ESRRG: variants seen among roughly 807,000 people sequenced by gnomAD.
The protein encoded by ESRRG is estrogen related receptor gamma.
ESRRG carries 13 observed loss-of-function variants against 44.0 expected under a neutral mutation model. The ratio of observed to expected loss-of-function variants is 0.30; its 90% CI spans 0.19 to 0.47. The LOEUF is 0.47. Ranked by LOEUF, ESRRG falls within the 20% of genes least tolerant of loss-of-function variation. The pLI, the probability that ESRRG is intolerant of heterozygous loss-of-function variation, is 1.00. For missense variants in ESRRG, 395 were observed against 580.6 expected, an observed-to-expected ratio of 0.68 and a Z score of 3.29; for synonymous variants, 215 against 214.6, an observed-to-expected ratio of 1.00 and a Z score of -0.02.
intron 1 of ESRRG, among the ~76,000 whole-genome samples, chr1:217,029,187 C>T (rs2081661099): frequency 6.6e-6 from 1 of 152,190 alleles, no homozygotes; most frequent in Admixed American, 6.5e-5. Context: ...CGAACATGTA[C>T]TAGCTAATGA....
At chr1:216,791,487 G>C (rs777773554) in intron 2 of ESRRG, among the ~76,000 whole-genome samples, 5 of 152,000 alleles carry the variant, frequency 3.3e-5, no homozygotes, top group African/African-American at 1.2e-4. Context: ...TTTTTTTATA[G>C]CAGTGCAGGA....
intron 1 of ESRRG, among the ~76,000 whole-genome samples, chr1:217,082,666 C>T (rs545449489): frequency 6.6e-6 from 1 of 151,214 alleles, no homozygotes; most frequent in Non-Finnish European, 1.5e-5. Flanking sequence ...CTCACCCCCA[C>T]CCCACACACA....
intron 2 of ESRRG, among the ~76,000 whole-genome samples, chr1:216,828,551 A>G (rs1405514968): frequency 1.3e-5 from 2 of 152,146 alleles, no homozygotes. Context: ...AAATCATGTG[A>G]CCAGAATACA....
At chr1:216,604,873 C>T (rs1169159826) in intron 3 of ESRRG, among the ~76,000 whole-genome samples, 1 of 152,150 alleles carries the variant, frequency 6.6e-6, no homozygotes, top group Non-Finnish European at 1.5e-5. Flanking sequence ...CATTTTTCAC[C>T]AAATACACTG....
intron 1 of ESRRG, among the ~76,000 whole-genome samples, chr1:216,710,232 C>T (rs1363361529): frequency 1.3e-5 from 2 of 152,182 alleles, no homozygotes; most frequent in Non-Finnish European, 2.9e-5. Flanking sequence ...TTGTTCACAC[C>T]TGCTGCTGAC....
At chr1:216,652,249 A>G (rs1390762057) in intron 2 of ESRRG, among the ~76,000 whole-genome samples, 1 of 152,182 alleles carries the variant, frequency 6.6e-6, no homozygotes, top group Middle Eastern at 3.2e-3. Flanking sequence ...CGCAGATTCT[A>G]GTAATTAGCA....
chr1:217,123,706 T>C (rs1245381234), intron 1 of ESRRG, among the ~76,000 whole-genome samples: 1 of 151,952 alleles, frequency 6.6e-6, no homozygotes, highest in Admixed American at 6.6e-5. Flanking sequence ...TGAACAATGA[T>C]AACACATGGA....
At chr1:216,512,461 AT>A (rs913551433) in intron 6 of ESRRG, among the ~76,000 whole-genome samples, 39 of 152,302 alleles carry the variant, frequency 2.6e-4, no homozygotes, top group African/African-American at 8.2e-4. Context: ...TTCATCCATA[AT>A]TTTTTTATGG....
chr1:216,743,983 T>C lies in ESRRG; in HGVS notation c.-13-66492A>G, dbSNP rs577325141. Among the ~76,000 whole-genome samples, 6 of 152,334 alleles carry C rather than the reference T, an allele frequency of 3.9e-5. No individual in the cohort carries two copies. The South Asian group carries it at 6.2e-4, about 16-fold the overall frequency. On this transcript the variant is annotated intron_variant, in intron 2 of 7. Coordinates refer to the ESRRG transcript ENST00000359162. ...ACTGCCATTAGGTACCAGATTTTAC[T>C]TGTGATTCCTCTGGACACGGTGCCA...
At chr1:217,051,204 C>CCGG (rs1215170555) in intron 1 of ESRRG, among the ~76,000 whole-genome samples, 1 of 33,590 alleles carries the variant, frequency 3.0e-5, no homozygotes, top group Non-Finnish European at 5.7e-5. Flanking sequence ...ATAATGGGGG[C>CCGG]GGGGGGGGGG....
intron 1 of ESRRG, among the ~76,000 whole-genome samples, chr1:217,095,265 A>G (rs950082091): frequency 3.3e-5 from 5 of 152,248 alleles, no homozygotes; most frequent in Non-Finnish European, 7.3e-5. Flanking sequence ...TTGAGACACA[A>G]TAAAAGCCTC....
rs148574602 is a variant in ESRRG at position 216,915,804 on chromosome 1, C to A, written c.-14+23778G>T. 6.8e-4 allele frequency among the ~76,000 whole-genome samples: 103 copies of A among 152,286 alleles called. 1 individual carries two copies. The highest frequency in any genetic ancestry group is 1.8e-3 in the Admixed American group (28 of 15,298). On this transcript the variant is annotated intron_variant, in intron 2 of 7. Transcript: ENST00000359162. ...GCAAATCAGGAGCTTGCTGTGTGCA[C>A]CAGAAGTGCTGATGGTATCACAGCG... is the stretch of plus-strand genomic sequence containing the variant.
At chr1:216,889,865 G>C (rs1299467818) in intron 2 of ESRRG, among the ~76,000 whole-genome samples, 2 of 152,114 alleles carry the variant, frequency 1.3e-5, no homozygotes, top group Non-Finnish European at 1.5e-5. Context: ...AGGAAAAGAT[G>C]AAAAGGTCTC....
chr1:217,136,628 C>T (rs368684961), intron 1 of ESRRG, among the ~76,000 whole-genome samples: 2 of 152,334 alleles, frequency 1.3e-5, no homozygotes, highest in South Asian at 2.1e-4. Context: ...GCAGACCCAA[C>T]GGATGGGATC....
intron 2 of ESRRG, chr1:216,864,762 A>G (rs1186522049): frequency 6.6e-6 from 1 of 152,150 alleles, no homozygotes; most frequent in African/African-American, 2.4e-5. Context: ...GGGGCTGTTC[A>G]CCTAAGGAGA....
At chr1:217,029,964 A>C (rs1314215953) in intron 1 of ESRRG, among the ~76,000 whole-genome samples, 1 of 152,172 alleles carries the variant, frequency 6.6e-6, no homozygotes, top group African/African-American at 2.4e-5. Context: ...CCCTCCCTTT[A>C]GCACAGGGAC....
chr1:216,521,160 A>C (rs2045974102), intron 5 of ESRRG, among the ~76,000 whole-genome samples: 1 of 152,132 alleles, frequency 6.6e-6, no homozygotes. Flanking sequence ...CTTGTTTCTT[A>C]TTCTGCTTTT....
chr1:216,627,637 T>C (rs892092821), intron 3 of ESRRG, among the ~76,000 whole-genome samples: 2 of 152,214 alleles, frequency 1.3e-5, no homozygotes, highest in African/African-American at 4.8e-5. Flanking sequence ...AGCATGCTTA[T>C]GTGAAGAAAG....
At chr1:216,559,924 G>A (rs1252105240) in intron 5 of ESRRG, among the ~76,000 whole-genome samples, 1 of 152,140 alleles carries the variant, frequency 6.6e-6, no homozygotes, top group East Asian at 1.9e-4. Context: ...TGTAGAAACA[G>A]TTTATCCATG....
Sources: gnomAD v4.1 joint callset for allele counts (sites outside exome capture counted in the v4.1 genomes callset) on GRCh38, gnomAD v4.1.1 for gene constraint, MANE v1.5 for transcripts, NCBI Gene and HGNC (gene_info 2026-07-23, HGNC 2026-07-21) for gene names.